NMT2: variants seen among roughly 807,000 people sequenced by gnomAD.
The protein encoded by NMT2 is N-myristoyltransferase 2.
Under a neutral mutation model 65.4 loss-of-function variants are expected in NMT2, and 35 were observed. The observed-to-expected ratio is 0.54, with a 90% CI of 0.41 to 0.71. The LOEUF (loss-of-function observed/expected upper bound fraction) is 0.71. Among genes scored for constraint, NMT2 ranks in the 30% least tolerant of loss-of-function variants. The probability of loss-of-function intolerance (pLI) is 0.00; values close to 1 mark genes in which losing one functional copy is unlikely to be tolerated. For missense variants in NMT2, 489 were observed against 611.3 expected (o/e 0.80, Z 2.11); for synonymous variants, 226 against 231.8 (o/e 0.98, Z 0.23).
intron 9 of NMT2, among the ~76,000 whole-genome samples, chr10:15,114,289 C>T (rs1845671186): frequency 6.6e-6 from 1 of 152,226 alleles, no homozygotes; most frequent in Non-Finnish European, 1.5e-5. Context: ...TCATCATCTG[C>T]TTTCAGAAAA....
intron 1 of NMT2, among the ~76,000 whole-genome samples, chr10:15,148,490 C>A (rs967178154): frequency 1.3e-5 from 2 of 152,038 alleles, no homozygotes; most frequent in Middle Eastern, 3.2e-3. Context: ...TCAGCCTGGG[C>A]AACAGAGTGA....
At chr10:15,127,556 A>AAAAAAT (rs1846121935) in intron 8 of NMT2, among the ~76,000 whole-genome samples, 1 of 78,724 alleles carries the variant, frequency 1.3e-5, no homozygotes, top group African/African-American at 1.4e-4. Context: ...CAAAAAAAAA[A>AAAAAAT]AAAAAAAAAA....
At chr10:15,111,117 T>C (rs896283516) in intron 10 of NMT2, among the ~76,000 whole-genome samples, 3 of 152,042 alleles carry the variant, frequency 2.0e-5, no homozygotes, top group African/African-American at 4.8e-5. Context: ...AAGGGAACAG[T>C]TGTCAAGATG....
At chr10:15,118,865 C>G (rs1564562847) in intron 9 of NMT2, among the ~76,000 whole-genome samples, 1 of 152,186 alleles carries the variant, frequency 6.6e-6, no homozygotes, top group African/African-American at 2.4e-5. Context: ...TGGGTCCAAC[C>G]ACAGACTCAG....
rs1384022244 is a variant in NMT2 at position 15,107,610 on chromosome 10, C to A, written c.*1585G>T. On this transcript the variant is annotated 3_prime_UTR_variant, in exon 12 of 12. Coordinates refer to ENST00000378165, the MANE Select transcript of NMT2 (RefSeq NM_004808.3). ...GGGATTACAGGCACCCGCCACCACACCCAGCTAGTTCTTTTTGAATTTTTA... is the reference window on the plus strand; with the variant it reads ...GGGATTACAGGCACCCGCCACCACAACCAGCTAGTTCTTTTTGAATTTTTA... 4.7e-6 allele frequency: 2 copies of A among 426,012 alleles called. No homozygotes were observed. The highest frequency in any genetic ancestry group is 2.2e-5 in the African/African-American group (1 of 46,200). The allele number at this position is 426,012 out of a possible 1,614,324, so 26.4% of individuals were successfully genotyped here.
intron 1 of NMT2, chr10:15,155,325 G>T (rs1196465037): frequency 1.8e-6 from 2 of 1,129,842 alleles, no homozygotes; most frequent in African/African-American, 3.1e-5. Flanking sequence ...GACCATGGCT[G>T]GTAGTACAGG....
At chr10:15,134,441 C>T (rs556763331) in intron 3 of NMT2, among the ~76,000 whole-genome samples, 36 of 152,286 alleles carry the variant, frequency 2.4e-4, no homozygotes, top group African/African-American at 7.5e-4. Flanking sequence ...TTGGAATTCC[C>T]GACAGAAGCT....
chr10:15,147,515 T>C (rs1847007959), intron 1 of NMT2, among the ~76,000 whole-genome samples: 1 of 151,892 alleles, frequency 6.6e-6, no homozygotes, highest in South Asian at 2.1e-4. Context: ...AGAAACTTGA[T>C]ATATAATAAA....
chr10:15,106,802 T>A lies in NMT2; in HGVS notation c.*2393A>T. On this transcript the variant is annotated 3_prime_UTR_variant, in exon 12 of 12. Transcript: ENST00000378165. ...GTGTGAAGCAGCCATAGGCAATATG[T>A]AAATGAAAGTGGCTGTGGCCAAGAG... 1 of 259,990 alleles carries A rather than the reference T, an allele frequency of 3.8e-6. No individual in the cohort carries two copies. The highest frequency in any genetic ancestry group is 6.0e-6 in the Non-Finnish European group (1 of 166,808). 16.1% of individuals were successfully genotyped at this position (259,990 alleles called of 1,614,324 possible).
At chr10:15,132,378 T>TAC (rs1846315387) in intron 6 of NMT2, among the ~76,000 whole-genome samples, 1 of 151,756 alleles carries the variant, frequency 6.6e-6, no homozygotes, top group African/African-American at 2.4e-5. Context: ...CCTCCACACA[T>TAC]ACACAACCTC....
At position 15,133,286 on chromosome 10, in the gene NMT2, C is replaced by T; in HGVS notation, c.469G>A (p.Gly157Ser). Reference sequence around the variant, plus strand: ...AAGTCTAAAGTGTCCCACATAAAACCCTGTGGCAAAGAATACGGTTCTTGG... The same window carrying T: ...AAGTCTAAAGTGTCCCACATAAAACTCTGTGGCAAAGAATACGGTTCTTGG... ...VRQEPYSLPQ[G>S]FMWDTLDLSD... is the part of the protein sequence containing the mutation. The change falls in exon 4 of 12, where the codon GGT becomes AGT. Residue 157 changes from glycine (G) to serine (S), a missense_variant. By Grantham distance (56) the Gly-to-Ser change is moderately conservative. Transcript: ENST00000378165. 6.2e-7 allele frequency: 1 copy of T among 1,614,126 alleles called. No individual in the cohort carries two copies. The highest frequency in any genetic ancestry group is 8.5e-7 in the Non-Finnish European group (1 of 1,180,000).
chr10:15,147,942 T>A (rs1466952012), intron 1 of NMT2, among the ~76,000 whole-genome samples: 1 of 152,242 alleles, frequency 6.6e-6, no homozygotes, highest in Non-Finnish European at 1.5e-5. Flanking sequence ...AAAAAATTTT[T>A]ATGTTACAGA....
At chr10:15,146,374 T>A (rs989128178) in intron 1 of NMT2, among the ~76,000 whole-genome samples, 1 of 152,234 alleles carries the variant, frequency 6.6e-6, no homozygotes, top group Non-Finnish European at 1.5e-5. Context: ...TGTAAACGCT[T>A]TACAGGTGGT....
At chr10:15,168,079 G>C (rs922609935) in intron 1 of NMT2, among the ~76,000 whole-genome samples, 11 of 152,164 alleles carry the variant, frequency 7.2e-5, no homozygotes, top group African/African-American at 2.4e-4. Flanking sequence ...ACTTAACAAG[G>C]ATGGCAGGGA....
chr10:15,161,628 G>C (rs1032361071), intron 1 of NMT2, among the ~76,000 whole-genome samples: 1 of 152,152 alleles, frequency 6.6e-6, no homozygotes, highest in African/African-American at 2.4e-5. Context: ...CCAAAGTGCT[G>C]GGATTACAGG....
At chr10:15,138,021 T>C (rs1846581465) in intron 2 of NMT2, among the ~76,000 whole-genome samples, 2 of 150,830 alleles carry the variant, frequency 1.3e-5, no homozygotes, top group African/African-American at 4.9e-5. Flanking sequence ...TTTTTTTTTT[T>C]TCATTTTGAG....
chr10:15,127,562 A>T (rs868158428), intron 8 of NMT2, among the ~76,000 whole-genome samples: 1,517 of 90,146 alleles, frequency 0.017, 108 homozygotes, highest in Admixed American at 0.087. Flanking sequence ...AAAAAAAAAA[A>T]AAAAAAAATA....
Position 15,161,868 on chromosome 10 carries a change from A to G in NMT2, c.110+6635T>C, listed in dbSNP as rs888454091. 7.2e-5 allele frequency among the ~76,000 whole-genome samples: 11 copies of G among 152,208 alleles called. No individual in the cohort carries two copies. In the East Asian group the frequency reaches 2.1e-3, roughly 29 times the overall value. On this transcript the variant is annotated intron_variant, in intron 1 of 11. Coordinates refer to ENST00000378165, the MANE Select transcript of NMT2 (RefSeq NM_004808.3). ...ATGAAAAGAAGTCAAAATATCCTAC[A>G]TGATTTTTCTTGTGAGATGGTAGAA... is the stretch of plus-strand genomic sequence containing the variant.
chr10:15,159,989 G>C (rs1457640223), intron 1 of NMT2, among the ~76,000 whole-genome samples: 1 of 152,178 alleles, frequency 6.6e-6, no homozygotes, highest in Non-Finnish European at 1.5e-5. Flanking sequence ...TGGTCATAGT[G>C]GCTGCGGAAG....
Sources: allele counts gnomAD v4.1 joint callset (sites outside exome capture counted in the v4.1 genomes callset), GRCh38; gene constraint gnomAD v4.1.1; transcripts MANE v1.5; gene names NCBI Gene and HGNC (gene_info 2026-07-23, HGNC 2026-07-21).